Variants in ASCC1 observed in about 807,000 individuals in gnomAD.
ASCC1 encodes the protein activating signal cointegrator 1 complex subunit 1.
In ASCC1, 35 loss-of-function variants were observed where a neutral mutation model predicts 46.6. The ratio of observed to expected loss-of-function variants is 0.75; its 90% CI spans 0.57 to 0.99. The LOEUF is 0.99. Ranked by LOEUF, ASCC1 falls within the 50% of genes least tolerant of loss-of-function variation. The pLI is 0.00. For synonymous variants in ASCC1, 143 were observed against 146.6 expected (o/e 0.98, Z 0.18); for missense variants, 376 against 428.7 (o/e 0.88, Z 1.09).
intron 1 of ASCC1, among the ~76,000 whole-genome samples, chr10:72,215,299 T>C (rs993057125): frequency 5.3e-5 from 8 of 152,186 alleles, no homozygotes; most frequent in Admixed American, 1.3e-4. Flanking sequence ...CTGGGAAAGC[T>C]GAGGCACGAG....
At chr10:72,181,979 C>T (rs958286231) in intron 5 of ASCC1, among the ~76,000 whole-genome samples, 1 of 152,126 alleles carries the variant, frequency 6.6e-6, no homozygotes, top group African/African-American at 2.4e-5. Flanking sequence ...AGCCACCGCA[C>T]CCGGCCTCCA....
Position 72,132,121 on chromosome 10 carries a change from A to C in ASCC1, c.871+936T>G, listed in dbSNP as rs112862388. Among the ~76,000 whole-genome samples, 136 of 152,210 alleles carry C rather than the reference A, an allele frequency of 8.9e-4. 2 individuals carry two copies. Among genetic ancestry groups the C allele is most frequent in the African/African-American group, 3.2e-3 (132 of 41,540 alleles). On this transcript the variant is annotated intron_variant, in intron 8 of 9. Coordinates refer to ENST00000672957, the MANE Select transcript of ASCC1 (RefSeq NM_001198800.3). ...TAAATGCAAGTGATCCACCCGCCTC[A>C]GCCTTCCAAAGTGCTAGGATTACAG...
chr10:72,183,041 T>A (rs1015230254), intron 5 of ASCC1, among the ~76,000 whole-genome samples: 1 of 150,548 alleles, frequency 6.6e-6, no homozygotes, highest in Non-Finnish European at 1.5e-5. Context: ...TGACAAAAAA[T>A]TTCTTTTTTT....
intron 7 of ASCC1, among the ~76,000 whole-genome samples, chr10:72,139,392 G>C (rs1407933227): frequency 6.6e-6 from 1 of 152,188 alleles, no homozygotes; most frequent in Non-Finnish European, 1.5e-5. Context: ...TGGGATTACA[G>C]GTGTGAGCCA....
At chr10:72,154,326 T>C (rs1169253730) in intron 6 of ASCC1, among the ~76,000 whole-genome samples, 2 of 152,142 alleles carry the variant, frequency 1.3e-5, no homozygotes, top group Non-Finnish European at 2.9e-5. Context: ...AAATATAAAG[T>C]GACCTCTCTA....
At chr10:72,120,421 T>C (rs1320984339) in intron 9 of ASCC1, among the ~76,000 whole-genome samples, 5 of 151,640 alleles carry the variant, frequency 3.3e-5, no homozygotes, top group African/African-American at 1.2e-4. Context: ...ATCCAAGAAC[T>C]GTGGTACAAC....
chr10:72,215,688 T>A (rs983989920), intron 1 of ASCC1: 3 of 152,166 alleles, frequency 2.0e-5, no homozygotes, highest in Admixed American at 1.3e-4. Flanking sequence ...AACAGGCAGT[T>A]GTCGCGGAGA....
chr10:72,185,980 A>G (rs936287372), intron 5 of ASCC1, among the ~76,000 whole-genome samples: 1 of 152,154 alleles, frequency 6.6e-6, no homozygotes, highest in African/African-American at 2.4e-5. Context: ...CTGCAGTGTT[A>G]TTTAATAAAA....
intron 5 of ASCC1, among the ~76,000 whole-genome samples, chr10:72,167,853 G>C (rs1850563710): frequency 6.6e-6 from 1 of 151,938 alleles, no homozygotes; most frequent in African/African-American, 2.4e-5. Context: ...GCCCAGGCTG[G>C]TTTCAAACTC....
rs546797024 is a variant in ASCC1 at position 72,169,373 on chromosome 10, G to A, written c.490-7699C>T. On this transcript the variant is annotated intron_variant, in intron 5 of 9. Transcript: ENST00000672957. The stretch of plus-strand genomic sequence containing the variant: ...GAGGATCACTTGAGTCCCAGAGGTC[G>A]GGGCTACAGTGAGCTGTGATAGTGC... Among the ~76,000 whole-genome samples the A allele has an allele frequency of 3.5e-4, 53 of 152,226 alleles. No homozygotes were observed. In the South Asian group the frequency reaches 8.3e-3, roughly 24 times the overall value.
intron 3 of ASCC1, among the ~76,000 whole-genome samples, chr10:72,206,592 G>A (rs919719968): frequency 3.3e-5 from 5 of 152,108 alleles, no homozygotes; most frequent in African/African-American, 1.2e-4. Context: ...CCGGGAGAAG[G>A]ACCCTGACAG....
chr10:72,185,719 A>T (rs1353191139), intron 5 of ASCC1, among the ~76,000 whole-genome samples: 1 of 152,192 alleles, frequency 6.6e-6, no homozygotes, highest in Non-Finnish European at 1.5e-5. Flanking sequence ...TAAATATTCA[A>T]TATCTTGTTT....
chr10:72,184,009 T>C (rs1231026856), intron 5 of ASCC1, among the ~76,000 whole-genome samples: 1 of 151,816 alleles, frequency 6.6e-6, no homozygotes, highest in Non-Finnish European at 1.5e-5. Context: ...CCAAGTGTGG[T>C]GGCATGCACC....
intron 5 of ASCC1, among the ~76,000 whole-genome samples, chr10:72,184,940 A>G (rs1853238563): frequency 6.6e-6 from 1 of 152,222 alleles, no homozygotes; most frequent in Non-Finnish European, 1.5e-5. Flanking sequence ...TACCATCAAC[A>G]ACAACAAAAA....
chr10:72,145,821 A>G (rs1250238328), intron 7 of ASCC1, among the ~76,000 whole-genome samples: 1 of 152,210 alleles, frequency 6.6e-6, no homozygotes, highest in African/African-American at 2.4e-5. Context: ...TACTCAGACT[A>G]TAACACAGTA....
intron 7 of ASCC1, among the ~76,000 whole-genome samples, chr10:72,152,181 TTTTTG>T (rs1246292998): frequency 6.6e-6 from 1 of 150,668 alleles, no homozygotes; most frequent in Non-Finnish European, 1.5e-5. Context: ...GGTTTTTTTT[TTTTTG>T]TTTTTTGTGT....
intron 3 of ASCC1, chr10:72,204,624 C>G: frequency 7.6e-7 from 1 of 1,318,968 alleles, no homozygotes; most frequent in Non-Finnish European, 1.0e-6. Context: ...ACTTCAATTA[C>G]AGTACCCAAT....
chr10:72,143,705 G>A (rs1032937275), intron 7 of ASCC1, among the ~76,000 whole-genome samples: 6 of 150,370 alleles, frequency 4.0e-5, no homozygotes, highest in African/African-American at 1.5e-4. Context: ...TAATTCCAGA[G>A]ATGAGTATTA....
intron 9 of ASCC1, among the ~76,000 whole-genome samples, chr10:72,116,916 G>C (rs1843553390): frequency 6.6e-6 from 1 of 152,080 alleles, no homozygotes; most frequent in African/African-American, 2.4e-5. Flanking sequence ...AACACAGTAA[G>C]ACCCCATCTC....
Sources: gnomAD v4.1 joint callset for allele counts (sites outside exome capture counted in the v4.1 genomes callset) on GRCh38, gnomAD v4.1.1 for gene constraint, MANE v1.5 for transcripts, NCBI Gene and HGNC (gene_info 2026-07-23, HGNC 2026-07-21) for gene names.